NUTF2: variants seen among roughly 807,000 people sequenced by gnomAD.
NUTF2 encodes nuclear transport factor 2, also known as placental protein 15.
Under a neutral mutation model 18.5 loss-of-function variants are expected in NUTF2, and 3 were observed. That is an observed-to-expected ratio of 0.16 (90% CI 0.07 to 0.42). The LOEUF (loss-of-function observed/expected upper bound fraction) is 0.42, where lower values mean the gene tolerates loss of function less well. Ranked by LOEUF, NUTF2 falls within the 10% of genes least tolerant of loss-of-function variation. The pLI is 0.99. For synonymous variants in NUTF2, 51 were observed against 57.9 expected (o/e 0.88, Z 0.54); for missense variants, 44 against 160.7 (o/e 0.27, Z 3.93).
intron 4 of NUTF2, among the ~76,000 whole-genome samples, chr16:67,869,548 G>A (rs2057997468): frequency 6.6e-6 from 1 of 151,690 alleles, no homozygotes; most frequent in African/African-American, 2.4e-5. Context: ...CACTTTGGGA[G>A]GCCGAGGCAG....
chr16:67,868,596 T>G lies in NUTF2; in HGVS notation c.267T>G (p.Leu89=), dbSNP rs1392607256. Reference sequence around the variant, plus strand: ...TCATCAGCATGGTTGTGGGCCAGCTTAAGGTAATGGTACTGCCACAGTGGT... The same window carrying G: ...TCATCAGCATGGTTGTGGGCCAGCTGAAGGTAATGGTACTGCCACAGTGGT... ...SCIISMVVGQ[L]KADEDPIMGF... is the part of the protein sequence containing the mutation. Residue 89 remains leucine (L), a synonymous_variant, in exon 4 of 5, where the codon CTT becomes CTG. Coordinates refer to ENST00000219169, the MANE Select transcript of NUTF2 (RefSeq NM_005796.3). 14 of 1,613,568 alleles carry G rather than the reference T, an allele frequency of 8.7e-6. No homozygotes were observed. Among genetic ancestry groups the G allele is most frequent in the Non-Finnish European group, 1.2e-5 (14 of 1,179,780 alleles).
At chr16:67,848,444 G>A (rs190218072) in intron 1 of NUTF2, among the ~76,000 whole-genome samples, 2 of 152,314 alleles carry the variant, frequency 1.3e-5, no homozygotes, top group East Asian at 3.9e-4. Flanking sequence ...TTAGCTGAAC[G>A]TGGAGGTGCA....
At chr16:67,847,377 C>G (rs1047053865) in intron 1 of NUTF2, 1 of 152,446 alleles carries the variant, frequency 6.6e-6, no homozygotes, top group African/African-American at 2.4e-5. Context: ...CGGGCAGACC[C>G]CAGCCCCACG....
intron 1 of NUTF2, among the ~76,000 whole-genome samples, chr16:67,860,827 C>T (rs1428185124): frequency 2.0e-5 from 3 of 152,240 alleles, no homozygotes; most frequent in Admixed American, 6.5e-5. Context: ...GATCACTCTC[C>T]TGCCTCAGGC....
chr16:67,862,964 C>T (rs1302702072), intron 1 of NUTF2, among the ~76,000 whole-genome samples: 1 of 152,196 alleles, frequency 6.6e-6, no homozygotes, highest in African/African-American at 2.4e-5. Context: ...TTTCCCCTAC[C>T]CTCAGAGCTC....
intron 1 of NUTF2, among the ~76,000 whole-genome samples, chr16:67,863,767 G>A (rs1220910412): frequency 2.6e-5 from 4 of 152,146 alleles, no homozygotes; most frequent in Admixed American, 6.5e-5. Context: ...CTACAGTTGG[G>A]GCCATCCACA....
At chr16:67,850,699 G>C (rs753357918) in intron 1 of NUTF2, among the ~76,000 whole-genome samples, 1 of 152,186 alleles carries the variant, frequency 6.6e-6, no homozygotes, top group African/African-American at 2.4e-5. Flanking sequence ...CCTGGCATGC[G>C]GTGGTTGGGA....
chr16:67,865,058 C>G lies in NUTF2; in HGVS notation c.-29-44C>G, dbSNP rs1377652335. 13 of 1,015,848 alleles carry G rather than the reference C, an allele frequency of 1.3e-5. No individual in the cohort carries two copies. In the South Asian group the frequency reaches 1.4e-4, roughly 11 times the overall value. 62.9% of individuals were successfully genotyped at this position (1,015,848 alleles called of 1,614,324 possible). A position where few individuals can be genotyped will look rare whatever the true frequency, so the allele number is the denominator to read the frequency against. On this transcript the variant is annotated intron_variant, in intron 1 of 4. Coordinates refer to ENST00000219169, the MANE Select transcript of NUTF2 (RefSeq NM_005796.3). ...GGGGGTCAGTGGCTGGTCACCTACTCTCATGGTACCAATGCTTCCCTCCTG... is the reference window on the plus strand; with the variant it reads ...GGGGGTCAGTGGCTGGTCACCTACTGTCATGGTACCAATGCTTCCCTCCTG...
At chr16:67,869,939 G>A in intron 4 of NUTF2, 1 of 152,252 alleles carries the variant, frequency 6.6e-6, no homozygotes, top group East Asian at 1.9e-4. Flanking sequence ...AGGGCTTCCT[G>A]AGTCCAGAGT....
chr16:67,856,377 A>T (rs1306766688), intron 1 of NUTF2, among the ~76,000 whole-genome samples: 3 of 151,946 alleles, frequency 2.0e-5, no homozygotes, highest in African/African-American at 7.3e-5. Context: ...TTTTTAATAG[A>T]GACAGGGTTT....
At chr16:67,859,976 A>G (rs8057986) in intron 1 of NUTF2, among the ~76,000 whole-genome samples, 44,249 of 140,632 alleles carry the variant, frequency 0.31, 9,347 homozygotes, top group African/African-American at 0.62. Context: ...ATATTTTATT[A>G]TTTTTTTTTT....
chr16:67,850,831 C>T (rs546892990), intron 1 of NUTF2, among the ~76,000 whole-genome samples: 18 of 151,770 alleles, frequency 1.2e-4, no homozygotes, highest in African/African-American at 3.6e-4. Context: ...GACAGAGCCT[C>T]GCTCTGTTGC....
In NUTF2 at chr16:67,871,154, A is replaced by C; in HGVS notation, c.*241A>C. ...CTTGGAAAGACTTAAGTAATGCAAA[A>C]GGTTGTCCTTTTTTTTTTTTTTTTT... On this transcript the variant is annotated 3_prime_UTR_variant, in exon 5 of 5. Coordinates refer to ENST00000219169, the MANE Select transcript of NUTF2 (RefSeq NM_005796.3). 1 of 344,968 alleles carries C rather than the reference A, an allele frequency of 2.9e-6. No homozygotes were observed. Among genetic ancestry groups the C allele is most frequent in the Non-Finnish European group, 5.2e-6 (1 of 193,652 alleles). 21.4% of individuals were successfully genotyped at this position (344,968 alleles called of 1,614,324 possible).
intron 2 of NUTF2, among the ~76,000 whole-genome samples, chr16:67,866,295 A>G (rs1253292978): frequency 2.6e-5 from 4 of 151,188 alleles, no homozygotes; most frequent in Non-Finnish European, 5.9e-5. Context: ...GATTGTCATT[A>G]TCATAGTAGA....
Position 67,870,787 on chromosome 16 carries a change from T to C in NUTF2, c.271-13T>C, listed in dbSNP as rs72790370. The C allele has an allele frequency of 3.1e-6, 5 of 1,599,932 alleles. No individual in the cohort carries two copies. Among genetic ancestry groups the C allele is most frequent in the East Asian group, 2.2e-5 (1 of 44,812 alleles). On this transcript the variant is annotated splice_polypyrimidine_tract_variant and intron_variant, in intron 4 of 4. Transcript: ENST00000219169. ...TTGATCCCCTTACTGAATCCTCTTT[T>C]CTCTCCTCATAGGCGGATGAAGACC...
intron 1 of NUTF2, among the ~76,000 whole-genome samples, chr16:67,849,241 T>G (rs1301909885): frequency 6.6e-6 from 1 of 152,234 alleles, no homozygotes; most frequent in Non-Finnish European, 1.5e-5. Context: ...CCCTGTAGAT[T>G]GTCTGCGTGG....
intron 1 of NUTF2, chr16:67,855,872 C>G: frequency 2.3e-6 from 1 of 442,582 alleles, no homozygotes; most frequent in South Asian, 3.1e-5. Context: ...TCCTTGCCAC[C>G]CGATTTTTTT....
At chr16:67,852,411 C>T (rs2057866668) in intron 1 of NUTF2, among the ~76,000 whole-genome samples, 1 of 150,622 alleles carries the variant, frequency 6.6e-6, no homozygotes, top group African/African-American at 2.4e-5. Context: ...GGCTCAAGTG[C>T]AGTGTCGCAG....
intron 1 of NUTF2, among the ~76,000 whole-genome samples, chr16:67,858,029 A>G (rs896115372): frequency 6.6e-6 from 1 of 152,220 alleles, no homozygotes; most frequent in Non-Finnish European, 1.5e-5. Context: ...GCCAGGTACC[A>G]TGGGAACAGG....
Sources: allele counts gnomAD v4.1 joint callset (sites outside exome capture counted in the v4.1 genomes callset), GRCh38; gene constraint gnomAD v4.1.1; transcripts MANE v1.5; gene names NCBI Gene and HGNC (gene_info 2026-07-23, HGNC 2026-07-21).